Variants in TRAF2 observed in about 807,000 individuals in gnomAD.
TRAF2 encodes the protein TNF receptor-associated factor 2.
TRAF2 carries 6 observed loss-of-function variants against 55.6 expected under a neutral mutation model. The ratio of observed to expected loss-of-function variants is 0.11; its 90% CI spans 0.06 to 0.21. TRAF2 has a LOEUF of 0.21. Ranked by LOEUF, TRAF2 falls within the 10% of genes least tolerant of loss-of-function variation. The probability of loss-of-function intolerance (pLI) is 1.00; values close to 1 mark genes in which losing one functional copy is unlikely to be tolerated. For missense variants in TRAF2, 561 were observed against 684.5 expected, an observed-to-expected ratio of 0.82 and a Z score of 2.01; for synonymous variants, 329 against 276.3, an observed-to-expected ratio of 1.19 and a Z score of -1.89.
In TRAF2 at chr9:136,909,984, C is replaced by T. The variant is rs769250719; in HGVS notation, c.593C>T (p.Pro198Leu). The T allele has an allele frequency of 6.2e-7, 1 of 1,613,968 alleles. No individual in the cohort carries two copies. Among genetic ancestry groups the T allele is most frequent in the Admixed American group, 1.7e-5 (1 of 59,998 alleles). ...GACGGCTGCGGCAAGAAGAAGATCCCCCGGGAGAAGGTGAGTGTCCTTCAC... is the reference window on the plus strand; with the variant it reads ...GACGGCTGCGGCAAGAAGAAGATCCTCCGGGAGAAGGTGAGTGTCCTTCAC... ...TCDGCGKKKI[P>L]REKFQDHVKT... The change falls in exon 6 of 11, where the codon CCC (proline) becomes CTC (leucine). Residue 198 changes from proline to leucine, a missense_variant. This residue lies in a region of TRAF2 where 426 missense variants were observed against 476.8 expected (regional missense o/e 0.89). Coordinates refer to ENST00000247668, the MANE Select transcript of TRAF2 (RefSeq NM_021138.4).
At chr9:136,886,256 A>T, upstream of TRAF2, 1 of 324,406 alleles carries the variant, frequency 3.1e-6, no homozygotes, top group Non-Finnish European at 4.4e-6. Flanking sequence ...GCGCTCTTTG[A>T]GGAAAAAGCA....
intron 6 of TRAF2, among the ~76,000 whole-genome samples, chr9:136,913,516 C>G (rs954231772): frequency 6.6e-6 from 1 of 151,782 alleles, no homozygotes; most frequent in African/African-American, 2.4e-5. Context: ...CCAGGCTGGT[C>G]TCAAACTCCT....
At chr9:136,905,403 A>T (rs1849923481) in intron 4 of TRAF2, among the ~76,000 whole-genome samples, 2 of 152,216 alleles carry the variant, frequency 1.3e-5, no homozygotes, top group South Asian at 4.1e-4. Flanking sequence ...CGGAGTGGTC[A>T]AATTGAGAGC....
At chr9:136,910,094 C>A in intron 6 of TRAF2, 100 bp downstream of exon 6, 2 of 1,252,798 alleles carry the variant, frequency 1.6e-6, no homozygotes, top group Non-Finnish European at 2.3e-6. Flanking sequence ...GACCCTTGTG[C>A]CCAAAGGAAC....
At chr9:136,896,408 C>T (rs1271150869) in intron 1 of TRAF2, among the ~76,000 whole-genome samples, 1 of 152,206 alleles carries the variant, frequency 6.6e-6, no homozygotes, top group Non-Finnish European at 1.5e-5. Flanking sequence ...TGTGGAGACG[C>T]ATGGGTCTGC....
intron 1 of TRAF2, among the ~76,000 whole-genome samples, chr9:136,889,986 TGTGTGA>T (rs1366680492): frequency 3.8e-5 from 2 of 52,892 alleles, no homozygotes; most frequent in African/African-American, 9.1e-5. Context: ...GGTCACCGCG[TGTGTGA>T]GAGTCCCCAC....
At chr9:136,897,170 G>A (rs1194669772) in intron 1 of TRAF2, among the ~76,000 whole-genome samples, 2 of 53,776 alleles carry the variant, frequency 3.7e-5, no homozygotes, top group African/African-American at 9.2e-5. Context: ...TGCCCGGGAC[G>A]CTGAGGGAGG....
chr9:136,906,665 G>A (rs537627487), intron 4 of TRAF2, among the ~76,000 whole-genome samples: 1 of 152,270 alleles, frequency 6.6e-6, no homozygotes, highest in South Asian at 2.1e-4. Flanking sequence ...AAAACAAAAA[G>A]CCCTGTTTAG....
At chr9:136,895,351 T>A (rs1335931646) in intron 1 of TRAF2, among the ~76,000 whole-genome samples, 1 of 152,156 alleles carries the variant, frequency 6.6e-6, no homozygotes, top group Non-Finnish European at 1.5e-5. Flanking sequence ...TCCGGGACAC[T>A]CTTTTGGCAA....
intron 1 of TRAF2, among the ~76,000 whole-genome samples, chr9:136,889,976 G>A (rs1341197604): frequency 9.1e-6 from 1 of 110,018 alleles, no homozygotes; most frequent in Non-Finnish European, 1.9e-5. Context: ...TCGTTCAGCC[G>A]GTCACCGCGT....
intron 4 of TRAF2, 179 bp downstream of exon 4, chr9:136,900,699 G>A: frequency 1.5e-6 from 1 of 680,402 alleles, no homozygotes; most frequent in South Asian, 1.5e-5. Flanking sequence ...AGAAACTCAA[G>A]TAGTGCAGAG....
At chr9:136,899,923 T>A (rs1205668036) in intron 3 of TRAF2, among the ~76,000 whole-genome samples, 1 of 152,140 alleles carries the variant, frequency 6.6e-6, no homozygotes, top group Non-Finnish European at 1.5e-5. Flanking sequence ...CCCAGCACTT[T>A]GCAGGGCCAA....
intron 10 of TRAF2, among the ~76,000 whole-genome samples, chr9:136,924,998 A>G (rs1164124907): frequency 1.3e-5 from 2 of 152,170 alleles, no homozygotes; most frequent in Non-Finnish European, 2.9e-5. Context: ...TGGCCTCCCA[A>G]AGTGCTGGGA....
At chr9:136,891,504 A>G (rs1348839379) in intron 1 of TRAF2, among the ~76,000 whole-genome samples, 1 of 151,270 alleles carries the variant, frequency 6.6e-6, no homozygotes, top group Non-Finnish European at 1.5e-5. Context: ...TCGGCCTCCC[A>G]AAGTGCTGGG....
At chr9:136,899,411 CAG>C (rs17243823) in intron 2 of TRAF2, among the ~76,000 whole-genome samples, 181 bp from the exon 3 acceptor site, 145 of 152,338 alleles carry the variant, frequency 9.5e-4, no homozygotes, top group African/African-American at 3.2e-3. Context: ...GTGATAAAAA[CAG>C]TGTGCTGTGA....
chr9:136,901,165 T>G (rs757923419), intron 4 of TRAF2, among the ~76,000 whole-genome samples: 3 of 152,278 alleles, frequency 2.0e-5, no homozygotes, highest in Non-Finnish European at 2.9e-5. Context: ...CACGTCACCT[T>G]TTAGGCATTT....
intron 8 of TRAF2, 49 bp downstream of exon 8, chr9:136,920,564 GAT>G: frequency 6.5e-7 from 1 of 1,548,912 alleles, no homozygotes; most frequent in Non-Finnish European, 8.7e-7. Context: ...TGTAAAGGGG[GAT>G]AGTGTTCGTG....
At chr9:136,912,161 T>C (rs1189377811) in intron 6 of TRAF2, among the ~76,000 whole-genome samples, 1 of 97,612 alleles carries the variant, frequency 1.0e-5, no homozygotes, top group African/African-American at 6.2e-5. Flanking sequence ...CCTTTTTTTT[T>C]TTTTTTTTTT....
chr9:136,892,891 T>C (rs377169201), intron 1 of TRAF2, among the ~76,000 whole-genome samples: 1 of 152,016 alleles, frequency 6.6e-6, no homozygotes, highest in Non-Finnish European at 1.5e-5. Flanking sequence ...AATAAATAAA[T>C]AAACCATTAG....
Sources: allele counts gnomAD v4.1 joint callset (sites outside exome capture counted in the v4.1 genomes callset), GRCh38; gene constraint gnomAD v4.1.1; regional missense constraint gnomAD v4.1.1; transcripts MANE v1.5; gene names NCBI Gene and HGNC (gene_info 2026-07-23, HGNC 2026-07-21).